Variants in PKNOX2 observed in about 807,000 individuals in gnomAD.
PKNOX2 encodes the protein homeobox protein PKNOX2.
A neutral mutation model predicts 53.1 loss-of-function variants in PKNOX2; 14 were observed. The ratio of observed to expected loss-of-function variants is 0.26; its 90% CI spans 0.17 to 0.41. The LOEUF is 0.41. PKNOX2 is among the 10% of genes least tolerant of loss of function. The probability of loss-of-function intolerance (pLI) is 1.00; values close to 1 mark genes in which losing one functional copy is unlikely to be tolerated. For synonymous variants in PKNOX2, 257 were observed against 242.8 expected (o/e 1.06, Z -0.54); for missense variants, 496 against 602.8 (o/e 0.82, Z 1.85).
In PKNOX2 at chr11:125,431,394, C is replaced by T. The variant is rs538471600; in HGVS notation, c.*2C>T. 9 of 1,450,252 alleles carry T rather than the reference C, an allele frequency of 6.2e-6. No homozygotes were observed. Among genetic ancestry groups the T allele is most frequent in the African/African-American group, 4.5e-5 (3 of 66,634 alleles). 89.8% of individuals were successfully genotyped at this position (1,450,252 alleles called of 1,614,324 possible). On this transcript the variant is annotated 3_prime_UTR_variant, in exon 13 of 13. Transcript: ENST00000298282. ...GAACACAGTGACTCCCTGGAGTAGT[C>T]GGGCAGCCCAGATGGCACTGATCAC...
chr11:125,343,436 G>T (rs534714736), intron 3 of PKNOX2, among the ~76,000 whole-genome samples: 2 of 152,162 alleles, frequency 1.3e-5, no homozygotes, highest in South Asian at 4.2e-4. Context: ...ACCAAAGGGG[G>T]AAAAATTGCC....
intron 2 of PKNOX2, among the ~76,000 whole-genome samples, chr11:125,235,653 A>C (rs986972801): frequency 1.3e-5 from 2 of 152,220 alleles, no homozygotes; most frequent in Middle Eastern, 3.2e-3. Context: ...CCCACTTGGC[A>C]AAAGTCTACC....
At chr11:125,276,520 T>C (rs1302110333) in intron 2 of PKNOX2, among the ~76,000 whole-genome samples, 1 of 152,196 alleles carries the variant, frequency 6.6e-6, no homozygotes, top group African/African-American at 2.4e-5. Flanking sequence ...TCTTTTTCTA[T>C]GGTAATTGCA....
intron 1 of PKNOX2, among the ~76,000 whole-genome samples, chr11:125,212,158 G>A (rs887168527): frequency 1.3e-4 from 20 of 152,074 alleles, no homozygotes; most frequent in Admixed American, 2.0e-4. Context: ...GGCTTCTCTG[G>A]ACCCAGGAGG....
At chr11:125,376,977 G>A (rs1952881271) in intron 5 of PKNOX2, among the ~76,000 whole-genome samples, 1 of 152,194 alleles carries the variant, frequency 6.6e-6, no homozygotes, top group Non-Finnish European at 1.5e-5. Context: ...CTCTTTCTGG[G>A]CCTCTATTTG....
At chr11:125,179,334 T>C in intron 1 of PKNOX2, among the ~76,000 whole-genome samples, 1 of 152,114 alleles carries the variant, frequency 6.6e-6, no homozygotes, top group Non-Finnish European at 1.5e-5. Flanking sequence ...ATACGAGCTT[T>C]GAGGAGAAGA....
rs1956693714 is a variant in PKNOX2, at chr11:125,431,340, A to G, written c.1367A>G (p.Gln456Arg). 2 of 1,613,664 alleles carry G rather than the reference A, an allele frequency of 1.2e-6. No homozygotes were observed. The highest frequency in any genetic ancestry group is 2.2e-5 in the South Asian group (2 of 91,068). ...EELEEEVDEL[Q>R]TTNVSDLGLE... is the part of the protein sequence containing the mutation. ...CTGGAGGAGGAGGTCGACGAGCTGC[A>G]GACGACAAATGTCAGCGACCTGGGC... is the stretch of plus-strand genomic sequence containing the variant. Residue 456 changes from glutamine (Q) to arginine (R), a missense_variant, in exon 13 of 13, where the codon CAG becomes CGG. This residue lies in a region of PKNOX2 where 139 missense variants were observed against 161.3 expected (regional missense o/e 0.86). Transcript: ENST00000298282.
intron 2 of PKNOX2, among the ~76,000 whole-genome samples, chr11:125,245,000 C>T (rs1044392795): frequency 6.6e-6 from 1 of 152,126 alleles, no homozygotes; most frequent in African/African-American, 2.4e-5. Context: ...CACCTGGGAC[C>T]ATGTACCTGC....
rs1420520858 is a variant in PKNOX2 at position 125,410,297 on chromosome 11, G to A, written c.690G>A (p.Met230Ile). The A allele has an allele frequency of 6.2e-7, 1 of 1,613,980 alleles. No individual in the cohort carries two copies. Among genetic ancestry groups the A allele is most frequent in the African/African-American group, 1.3e-5 (1 of 74,900 alleles). The change falls in exon 8 of 13, where the codon ATG (methionine) becomes ATA (isoleucine). Residue 230 changes from methionine (M) to isoleucine (I), a missense_variant. By Grantham distance (10) the Met-to-Ile change is conservative. Transcript: ENST00000298282. ...ASALQQGNIA[M>I]TTVNSQVVSG... ...CGCTCCAGCAGGGCAACATCGCCAT[G>A]ACAACCGTCAACTCACAAGTTGTGT...
chr11:125,250,936 T>G (rs1230960134), intron 2 of PKNOX2, among the ~76,000 whole-genome samples: 1 of 152,204 alleles, frequency 6.6e-6, no homozygotes, highest in African/African-American at 2.4e-5. Flanking sequence ...CCTCAGCATA[T>G]GGGGGACCCC....
intron 2 of PKNOX2, among the ~76,000 whole-genome samples, chr11:125,282,681 A>G (rs1946643143): frequency 6.6e-6 from 1 of 152,218 alleles, no homozygotes; most frequent in Non-Finnish European, 1.5e-5. Flanking sequence ...GGCTTTGTTT[A>G]CCAAAGCTTC....
chr11:125,208,274 A>AGTGTGTATT (rs1939391099), intron 1 of PKNOX2, among the ~76,000 whole-genome samples: 1 of 152,032 alleles, frequency 6.6e-6, no homozygotes, highest in South Asian at 2.1e-4. Flanking sequence ...AAATACACTC[A>AGTGTGTATT]TTTACTGGGA....
intron 1 of PKNOX2, among the ~76,000 whole-genome samples, chr11:125,225,134 CCT>C (rs1460313927): frequency 6.6e-6 from 1 of 152,196 alleles, no homozygotes; most frequent in East Asian, 1.9e-4. Flanking sequence ...TCAACATGCC[CCT>C]GTCTGGATGT....
rs1455820437 is a variant in PKNOX2 at position 125,351,426 on chromosome 11, G to A, written c.87+34G>A. ...GCAGGGGCCGCTGCCTCCCACCACG[G>A]GGGAGGGAGTGTGGTGGCCTTAGAG... is the stretch of plus-strand genomic sequence containing the variant. On this transcript the variant is annotated intron_variant, in intron 4 of 12. Transcript: ENST00000298282. 2.9e-6 allele frequency: 4 copies of A among 1,370,046 alleles called. No homozygotes were observed. The African/African-American group carries it at 4.3e-5, about 15-fold the overall frequency. 84.9% of individuals were successfully genotyped at this position (1,370,046 alleles called of 1,614,324 possible).
In PKNOX2 at chr11:125,289,252, G is replaced by T. The variant is rs1202398209; in HGVS notation, c.-129-42567G>T. Among the ~76,000 whole-genome samples the T allele has an allele frequency of 2.6e-5, 4 of 152,342 alleles. No homozygotes were observed. The East Asian group carries it at 7.7e-4, about 29-fold the overall frequency. ...ATGAGACCCAAAATGGGGAGAAGGA[G>T]ATGAGCCTCCCCTCATGACTGACTG... On this transcript the variant is annotated intron_variant, in intron 2 of 12. Coordinates refer to ENST00000298282, the MANE Select transcript of PKNOX2 (RefSeq NM_001382323.2).
chr11:125,343,960 G>C (rs573831679), intron 3 of PKNOX2, among the ~76,000 whole-genome samples: 1 of 152,244 alleles, frequency 6.6e-6, no homozygotes, highest in Non-Finnish European at 1.5e-5. Flanking sequence ...GGACGGTGGG[G>C]CTCCTCTCTG....
At chr11:125,229,295 T>C (rs1942000291) in intron 1 of PKNOX2, among the ~76,000 whole-genome samples, 1 of 152,130 alleles carries the variant, frequency 6.6e-6, no homozygotes, top group Non-Finnish European at 1.5e-5. Context: ...ACCTGCCTTC[T>C]CTCTATGGGG....
intron 2 of PKNOX2, among the ~76,000 whole-genome samples, chr11:125,307,065 T>C (rs1008389300): frequency 6.6e-6 from 1 of 152,208 alleles, no homozygotes; most frequent in Non-Finnish European, 1.5e-5. Context: ...TTTTGCTATT[T>C]GTTTTTCGTT....
intron 1 of PKNOX2, among the ~76,000 whole-genome samples, chr11:125,192,729 G>A (rs551014752): frequency 5.8e-4 from 89 of 152,334 alleles, no homozygotes; most frequent in Non-Finnish European, 1.1e-3. Flanking sequence ...AGGACTGTCT[G>A]CCTTGTTCCC....
Sources: gnomAD v4.1 joint callset for allele counts (sites outside exome capture counted in the v4.1 genomes callset) on GRCh38, gnomAD v4.1.1 for gene constraint, gnomAD v4.1.1 regional missense constraint, MANE v1.5 for transcripts, NCBI Gene and HGNC (gene_info 2026-07-23, HGNC 2026-07-21) for gene names.